The following INHBC variants were observed in gnomAD, a reference collection of about 807,000 sequenced individuals.
The protein encoded by INHBC is inhibin subunit beta C, also known as inhibin beta C chain.
A neutral mutation model predicts 12.4 loss-of-function variants in INHBC; 10 were observed. The observed-to-expected ratio is 0.81, with a 90% confidence interval of 0.50 to 1.37. The LOEUF is 1.37. INHBC is among the 40% of genes most tolerant of loss of function. INHBC has a pLI of 0.00. For synonymous variants in INHBC, 147 were observed against 171.6 expected, an observed-to-expected ratio of 0.86 and a Z score of 1.12; for missense variants, 382 against 439.4, an observed-to-expected ratio of 0.87 and a Z score of 1.17.
In INHBC at chr12:57,450,033, G is replaced by A. The variant is rs1870679634; in HGVS notation, c.*11G>A. The A allele has an allele frequency of 6.7e-7, 1 of 1,501,464 alleles. No homozygotes were observed. Among genetic ancestry groups the A allele is most frequent in the Non-Finnish European group, 8.9e-7 (1 of 1,128,224 alleles). The allele number at this position is 1,501,464 out of a possible 1,614,324, so 93.0% of individuals were successfully genotyped here. A position where few individuals can be genotyped will look rare whatever the true frequency, so the allele number is the denominator to read the frequency against. ...TGTGGGTGCAGTTAGTCTATGTGTG[G>A]TATGGGCAGCCCAAGGTTGCATGGG... is the stretch of plus-strand genomic sequence containing the variant. On this transcript the variant is annotated 3_prime_UTR_variant, in exon 2 of 2. Coordinates refer to ENST00000309668, the MANE Select transcript of INHBC (RefSeq NM_005538.4).
chr12:57,447,448 G>C (rs1416261474), intron 1 of INHBC, among the ~76,000 whole-genome samples: 1 of 151,382 alleles, frequency 6.6e-6, no homozygotes, highest in African/African-American at 2.4e-5. Context: ...GCCTCCCAAA[G>C]TGCTGGGATT....
rs373998421 is a variant in INHBC, at chr12:57,451,977, C to T, written c.*1955C>T. On this transcript the variant is annotated 3_prime_UTR_variant, in exon 2 of 2. Coordinates refer to ENST00000309668, the MANE Select transcript of INHBC (RefSeq NM_005538.4). ...TATTAATCAAGATAGGACTTTAATG[C>T]AATATTATTTTAAAGTCAAAATTAA... 3.1e-5 allele frequency: 11 copies of T among 359,994 alleles called. No homozygotes were observed. The highest frequency in any genetic ancestry group is 1.7e-4 in the African/African-American group (8 of 46,458). The allele number at this position is 359,994 out of a possible 1,614,324, so 22.3% of individuals were successfully genotyped here.
chr12:57,449,954 G>A lies in INHBC; in HGVS notation c.991G>A (p.Asp331Asn), dbSNP rs746036453. ...GCGCCCCCTGTCTCTGCTCTATTAT[G>A]ACAGGGACAGCAACATTGTCAAGAC... ...ARRPLSLLYYDRDSNIVKTDI... is the reference protein window; with the variant it reads ...ARRPLSLLYYNRDSNIVKTDI... Residue 331 changes from aspartate (D) to asparagine (N), a missense_variant, in exon 2 of 2, where the codon GAC becomes AAC. Coordinates refer to ENST00000309668, the MANE Select transcript of INHBC (RefSeq NM_005538.4). The A allele has an allele frequency of 6.4e-7, 1 of 1,560,266 alleles. No homozygotes were observed. The highest frequency in any genetic ancestry group is 8.7e-7 in the Non-Finnish European group (1 of 1,152,242).
At chr12:57,441,525 CAAAAAA>C (rs574320537) in intron 1 of INHBC, among the ~76,000 whole-genome samples, 1 of 55,082 alleles carries the variant, frequency 1.8e-5, no homozygotes, top group African/African-American at 6.0e-5. Flanking sequence ...AACTCCGTCT[CAAAAAA>C]AAAAAAAAAA....
intron 1 of INHBC, among the ~76,000 whole-genome samples, chr12:57,437,066 A>C (rs1350802360): frequency 6.6e-6 from 1 of 152,094 alleles, no homozygotes; most frequent in Non-Finnish European, 1.5e-5. Context: ...CAAAATGCTA[A>C]GATTACAGAC....
intron 1 of INHBC, among the ~76,000 whole-genome samples, chr12:57,438,645 G>T (rs1454560678): frequency 6.6e-6 from 1 of 152,150 alleles, no homozygotes; most frequent in Non-Finnish European, 1.5e-5. Flanking sequence ...TTGTAGCCAA[G>T]CCTAGAATCT....
rs1427190895 is a variant in INHBC, at chr12:57,451,659, C to T, written c.*1637C>T. On this transcript the variant is annotated 3_prime_UTR_variant, in exon 2 of 2. Transcript: ENST00000309668. ...ACCCCCTCCTATGAGGGTAAGAGGT[C>T]CCTGAAATAGGAACCCTAGAGGAGA... is the stretch of plus-strand genomic sequence containing the variant. Among the ~76,000 whole-genome samples the T allele has an allele frequency of 1.3e-5, 2 of 152,246 alleles. No homozygotes were observed. Among genetic ancestry groups the T allele is most frequent in the Admixed American group, 1.3e-4 (2 of 15,294 alleles).
At position 57,451,100 on chromosome 12, in the gene INHBC, A is replaced by G. The variant is rs1302234005; in HGVS notation, c.*1078A>G. Among the ~76,000 whole-genome samples the G allele has an allele frequency of 1.3e-5, 2 of 152,106 alleles. No individual in the cohort carries two copies. Among genetic ancestry groups the G allele is most frequent in the African/African-American group, 2.4e-5 (1 of 41,424 alleles). ...CACATGGTCTCCTCAGAACTGAACT[A>G]TTGTATCCATCTCACACTTTATGCC... On this transcript the variant is annotated 3_prime_UTR_variant, in exon 2 of 2. Coordinates refer to ENST00000309668, the MANE Select transcript of INHBC (RefSeq NM_005538.4).
At chr12:57,440,644 T>C (rs12579911) in intron 1 of INHBC, among the ~76,000 whole-genome samples, 71,398 of 151,898 alleles carry the variant, frequency 0.47, 17,254 homozygotes, top group Middle Eastern at 0.81. Flanking sequence ...GTTCCTTTTT[T>C]AGTTCATCTC....
chr12:57,446,586 C>T (rs1362911864), intron 1 of INHBC, among the ~76,000 whole-genome samples: 1 of 151,794 alleles, frequency 6.6e-6, no homozygotes, highest in East Asian at 1.9e-4. Flanking sequence ...CTTGATCTCC[C>T]AGGGTCAAGC....
At chr12:57,446,054 C>G (rs1870570265) in intron 1 of INHBC, among the ~76,000 whole-genome samples, 1 of 152,006 alleles carries the variant, frequency 6.6e-6, no homozygotes, top group Non-Finnish European at 1.5e-5. Flanking sequence ...CCTGCCTCAG[C>G]CTCCCGAGTA....
At chr12:57,435,326 ATCTCCTTAC>A in intron 1 of INHBC, 127 bp downstream of exon 1, 2 of 907,994 alleles carry the variant, frequency 2.2e-6, no homozygotes, top group African/African-American at 3.3e-5. Context: ...ACAGGCTATA[ATCTCCTTAC>A]CCAGGTGTCC....
Position 57,435,092 on chromosome 12 carries a change from G to C in INHBC, c.206G>C (p.Arg69Thr), listed in dbSNP as rs201958621. The C allele has an allele frequency of 1.4e-4, 230 of 1,614,194 alleles. No homozygotes were observed. The highest frequency in any genetic ancestry group is 1.9e-4 in the Non-Finnish European group (228 of 1,180,040). Reference sequence around the variant, plus strand: ...CCAACACTGAACCGCCCTGTGTCCAGAGCTGCTTTGAGGACTGCACTGCAG... The same window carrying C: ...CCAACACTGAACCGCCCTGTGTCCACAGCTGCTTTGAGGACTGCACTGCAG... Reference protein sequence around the residue: ...QRPTLNRPVSRAALRTALQHL... With the variant: ...QRPTLNRPVSTAALRTALQHL... The change falls in exon 1 of 2, where the codon AGA becomes ACA. Residue 69 changes from arginine to threonine, a missense_variant. Physicochemically the swap from Arg to Thr is moderately conservative, Grantham distance 71. Transcript: ENST00000309668.
At chr12:57,449,198 A>C in intron 1 of INHBC, 79 bp from the exon 2 acceptor site, 1 of 1,508,900 alleles carries the variant, frequency 6.6e-7, no homozygotes. Context: ...AGACAACTCA[A>C]GAATGCTGAG....
At chr12:57,437,093 G>A (rs1252832320) in intron 1 of INHBC, among the ~76,000 whole-genome samples, 1 of 151,956 alleles carries the variant, frequency 6.6e-6, no homozygotes, top group Non-Finnish European at 1.5e-5. Flanking sequence ...CACCATCCCC[G>A]GGCTAAAAAT....
intron 1 of INHBC, among the ~76,000 whole-genome samples, chr12:57,447,344 C>G (rs2139834936): frequency 6.6e-6 from 1 of 151,996 alleles, no homozygotes; most frequent in South Asian, 2.1e-4. Flanking sequence ...ACTGCCACGC[C>G]TGGCTGATTT....
chr12:57,448,816 G>A (rs960854840), intron 1 of INHBC, among the ~76,000 whole-genome samples: 4 of 152,168 alleles, frequency 2.6e-5, no homozygotes, highest in African/African-American at 4.8e-5. Context: ...GTCTTAGTCC[G>A]TTTTGTGCTG....
At chr12:57,442,418 G>T (rs1041598247) in intron 1 of INHBC, among the ~76,000 whole-genome samples, 1 of 152,158 alleles carries the variant, frequency 6.6e-6, no homozygotes, top group Non-Finnish European at 1.5e-5. Flanking sequence ...GACTTAAAAG[G>T]TACTAACTAT....
In INHBC at chr12:57,435,146, T is replaced by G; in HGVS notation, c.260T>G (p.Leu87Arg). Residue 87 changes from leucine to arginine, a missense_variant, in exon 1 of 2, where the codon CTT (leucine) becomes CGT (arginine). Leu to Arg is a moderately radical substitution (Grantham distance 102). Transcript: ENST00000309668. ...CTCCACGGGGTCCCACAGGGGGCAC[T>G]TCTAGAGGACAACAGGGAACAGGAA... ...QHLHGVPQGA[L>R]LEDNREQECE... 1 of 1,614,156 alleles carries G rather than the reference T, an allele frequency of 6.2e-7. No homozygotes were observed. Among genetic ancestry groups the G allele is most frequent in the Non-Finnish European group, 8.5e-7 (1 of 1,180,028 alleles).
Sources: allele counts gnomAD v4.1 joint callset (sites outside exome capture counted in the v4.1 genomes callset), GRCh38; gene constraint gnomAD v4.1.1; transcripts MANE v1.5; gene names NCBI Gene and HGNC (gene_info 2026-07-23, HGNC 2026-07-21).